KCTD20: variants seen among roughly 807,000 people sequenced by gnomAD.
The protein encoded by KCTD20 is BTB/POZ domain-containing protein KCTD20.
A neutral mutation model predicts 39.6 loss-of-function variants in KCTD20; 30 were observed. The observed-to-expected ratio is 0.76, with a 90% CI of 0.57 to 1.03. The LOEUF (loss-of-function observed/expected upper bound fraction) is 1.03. Among genes scored for constraint, KCTD20 ranks in the 50% least tolerant of loss-of-function variants. The pLI is 0.00. For synonymous variants in KCTD20, 162 were observed against 180.6 expected, an observed-to-expected ratio of 0.90 and a Z score of 0.83; for missense variants, 422 against 522.0, an observed-to-expected ratio of 0.81 and a Z score of 1.87.
chr6:36,448,073 G>A (rs1361494657), intron 1 of KCTD20, among the ~76,000 whole-genome samples: 1 of 146,590 alleles, frequency 6.8e-6, no homozygotes, highest in Non-Finnish European at 1.5e-5. Context: ...TAAGTATAAA[G>A]TAAGCTTTAT....
chr6:36,472,033 A>G (rs1775926282), intron 2 of KCTD20, among the ~76,000 whole-genome samples: 1 of 152,076 alleles, frequency 6.6e-6, no homozygotes, highest in South Asian at 2.1e-4. Flanking sequence ...TATTTTTAGT[A>G]GAGACAGGGT....
At chr6:36,472,010 G>A (rs745507492) in intron 2 of KCTD20, among the ~76,000 whole-genome samples, 5 of 151,952 alleles carry the variant, frequency 3.3e-5, no homozygotes, top group African/African-American at 4.8e-5. Context: ...CACCATGCCC[G>A]GCTAATTTTT....
chr6:36,449,588 T>C (rs1775174470), intron 1 of KCTD20, among the ~76,000 whole-genome samples: 1 of 152,136 alleles, frequency 6.6e-6, no homozygotes, highest in Non-Finnish European at 1.5e-5. Flanking sequence ...AGTTCTCCAA[T>C]TGCGTTTACA....
At chr6:36,455,567 C>T (rs1319591903) in intron 1 of KCTD20, among the ~76,000 whole-genome samples, 4 of 151,300 alleles carry the variant, frequency 2.6e-5, no homozygotes, top group Non-Finnish European at 5.9e-5. Flanking sequence ...TCTCTATTAG[C>T]GTTCCACCAA....
intron 1 of KCTD20, among the ~76,000 whole-genome samples, chr6:36,450,008 T>G (rs1260118904): frequency 6.6e-6 from 1 of 151,518 alleles, no homozygotes; most frequent in Non-Finnish European, 1.5e-5. Context: ...ACTAAAAATA[T>G]AAAAAATTAG....
chr6:36,484,908 G>A, intron 7 of KCTD20, 84 bp downstream of exon 7: 1 of 719,104 alleles, frequency 1.4e-6, no homozygotes, highest in Non-Finnish European at 2.4e-6. Flanking sequence ...GCCTCCAGAG[G>A]CCTAGAAAAT....
chr6:36,472,517 A>G (rs374414724), intron 2 of KCTD20, among the ~76,000 whole-genome samples: 1 of 151,586 alleles, frequency 6.6e-6, no homozygotes, highest in Admixed American at 6.6e-5. Context: ...GAGGAATGGG[A>G]GTAATTCAGT....
intron 2 of KCTD20, among the ~76,000 whole-genome samples, chr6:36,471,912 G>A (rs1775921512): frequency 6.6e-6 from 1 of 150,416 alleles, no homozygotes; most frequent in African/African-American, 2.5e-5. Context: ...GCGGTGGCGC[G>A]ATCTCGGCTC....
intron 3 of KCTD20, among the ~76,000 whole-genome samples, chr6:36,475,828 G>A (rs948605063): frequency 2.6e-5 from 4 of 151,866 alleles, no homozygotes; most frequent in Non-Finnish European, 5.9e-5. Context: ...GCATTTCCCT[G>A]CCATCTATTG....
At chr6:36,446,731 T>C (rs1561940048) in intron 1 of KCTD20, among the ~76,000 whole-genome samples, 1 of 152,250 alleles carries the variant, frequency 6.6e-6, no homozygotes, top group Non-Finnish European at 1.5e-5. Context: ...GAATAGTACA[T>C]GTATTTCTGG....
At chr6:36,446,644 G>A (rs538537027) in intron 1 of KCTD20, among the ~76,000 whole-genome samples, 14 of 152,200 alleles carry the variant, frequency 9.2e-5, no homozygotes, top group African/African-American at 3.4e-4. Flanking sequence ...ATTAAAAAAC[G>A]AACAAAGAAT....
Position 36,487,046 on chromosome 6 carries a change from T to C in KCTD20, c.1131T>C (p.Asn377=). 6.2e-7 allele frequency: 1 copy of C among 1,614,190 alleles called. No individual in the cohort carries two copies. The highest frequency in any genetic ancestry group is 2.2e-5 in the East Asian group (1 of 44,888). The stretch of plus-strand genomic sequence containing the variant: ...GTGTTCGAAGCAAATCCCTCACGAA[T>C]CTGGTAGCTGCTGGAGATGATGTCT... ...FQCVRSKSLT[N]LVAAGDDVLE... is the part of the protein sequence containing the mutation. Residue 377 remains asparagine, a synonymous_variant, in exon 8 of 8, where the codon AAT becomes AAC. Transcript: ENST00000373731.
intron 1 of KCTD20, among the ~76,000 whole-genome samples, chr6:36,456,965 T>A (rs149803088): frequency 0.012 from 1,870 of 152,276 alleles, 37 homozygotes; most frequent in African/African-American, 0.041. Flanking sequence ...GCCTGGCTAA[T>A]TTTTTTGTAT....
chr6:36,485,777 C>G (rs1206017335), intron 7 of KCTD20, among the ~76,000 whole-genome samples: 2 of 152,136 alleles, frequency 1.3e-5, no homozygotes, highest in East Asian at 3.9e-4. Context: ...CAGATGTGAG[C>G]CACGGCGCCT....
Position 36,489,346 on chromosome 6 carries a change from T to C in KCTD20, c.*2171T>C, listed in dbSNP as rs1164088861. 1 of 152,222 alleles carries C rather than the reference T, an allele frequency of 6.6e-6. No homozygotes were observed. Among genetic ancestry groups the C allele is most frequent in the Non-Finnish European group, 1.5e-5 (1 of 68,034 alleles). 9.4% of individuals were successfully genotyped at this position (152,222 alleles called of 1,614,324 possible). A position where few individuals can be genotyped will look rare whatever the true frequency, so the allele number is the denominator to read the frequency against. On this transcript the variant is annotated 3_prime_UTR_variant, in exon 8 of 8. Coordinates refer to ENST00000373731, the MANE Select transcript of KCTD20 (RefSeq NM_173562.5). ...CTTGACACTGTCCTGTGTAACCCTTTACTTTGCTCAGGCTTTCAAGATTGA... is the reference window on the plus strand; with the variant it reads ...CTTGACACTGTCCTGTGTAACCCTTCACTTTGCTCAGGCTTTCAAGATTGA...
In KCTD20 at chr6:36,470,075, A is replaced by G. The variant is rs1470092575; in HGVS notation, c.-23A>G. The G allele has an allele frequency of 1.3e-6, 2 of 1,554,628 alleles. No individual in the cohort carries two copies. Among genetic ancestry groups the G allele is most frequent in the Non-Finnish European group, 1.7e-6 (2 of 1,144,122 alleles). On this transcript the variant is annotated 5_prime_UTR_variant, in exon 2 of 8. Coordinates refer to ENST00000373731, the MANE Select transcript of KCTD20 (RefSeq NM_173562.5). ...AGGATTTCTCTCTGATCAAACGGAC[A>G]GTTCAGGACTCAGAATCTAAGGATG... is the stretch of plus-strand genomic sequence containing the variant.
chr6:36,479,488 C>T, intron 4 of KCTD20, 103 bp from the exon 5 acceptor site: 1 of 1,051,184 alleles, frequency 9.5e-7, no homozygotes, highest in Non-Finnish European at 1.4e-6. Context: ...GGTGATAATT[C>T]CAGTAGCTCA....
intron 2 of KCTD20, among the ~76,000 whole-genome samples, chr6:36,472,388 C>T (rs1371281917): frequency 6.6e-6 from 1 of 152,130 alleles, no homozygotes; most frequent in Non-Finnish European, 1.5e-5. Flanking sequence ...GGGAAAAAAA[C>T]TAAGTGTCCT....
At chr6:36,475,194 C>G (rs1776028881) in intron 3 of KCTD20, 132 bp downstream of exon 3, 3 of 875,640 alleles carry the variant, frequency 3.4e-6, no homozygotes, top group Non-Finnish European at 5.1e-6. Flanking sequence ...GTCTGTAATC[C>G]CAGCACTTTG....
Sources: allele counts gnomAD v4.1 joint callset (sites outside exome capture counted in the v4.1 genomes callset), GRCh38; gene constraint gnomAD v4.1.1; transcripts MANE v1.5; gene names NCBI Gene and HGNC (gene_info 2026-07-23, HGNC 2026-07-21).